The following NTRK1 variants were observed in gnomAD, a reference collection of about 807,000 sequenced individuals.
NTRK1 encodes the protein neurotrophic receptor tyrosine kinase 1.
In NTRK1, 62 loss-of-function variants were observed where a neutral mutation model predicts 86.8. The ratio of observed to expected loss-of-function variants is 0.71; its 90% CI spans 0.58 to 0.88. NTRK1 has a LOEUF of 0.88. Ranked by LOEUF, NTRK1 falls within the 40% of genes least tolerant of loss-of-function variation. The pLI is 0.00. For missense variants in NTRK1, 967 were observed against 1,078.4 expected (o/e 0.90, Z 1.45); for synonymous variants, 469 against 456.6 (o/e 1.03, Z -0.35).
In NTRK1 at chr1:156,868,588, C is replaced by T. The variant is rs202030811; in HGVS notation, c.658C>T (p.Arg220Trp). 54 of 1,551,998 alleles carry T rather than the reference C, an allele frequency of 3.5e-5. No individual in the cohort carries two copies. The East Asian group carries it at 8.8e-4, about 25-fold the overall frequency. The change falls in exon 6 of 17, where the codon CGG becomes TGG. Residue 220 changes from arginine (R) to tryptophan (W), a missense_variant. This residue lies in a region of NTRK1 where 330 missense variants were observed against 302.0 expected (regional missense o/e 1.09). Transcript: ENST00000524377. ...DVLLRCQVEGRGLEQAGWILT... is the reference protein window; with the variant it reads ...DVLLRCQVEGWGLEQAGWILT... ...GCTGCTGCGGTGCCAGGTGGAGGGG[C>T]GGGGCCTGGAGCAGGCCGGCTGGAT...
At chr1:156,818,236 A>G (rs1358564767) in intron 1 of NTRK1, among the ~76,000 whole-genome samples, 1 of 152,216 alleles carries the variant, frequency 6.6e-6, no homozygotes, top group Admixed American at 6.5e-5. Flanking sequence ...GAGAGGAAAA[A>G]AAAAACTTTG....
At chr1:156,833,950 C>A (rs1202977731) in intron 1 of NTRK1, among the ~76,000 whole-genome samples, 2 of 152,160 alleles carry the variant, frequency 1.3e-5, no homozygotes, top group Non-Finnish European at 2.9e-5. Context: ...CCTCTTTGTT[C>A]CCCCAGCCTA....
At chr1:156,819,502 A>ATTTTTT (rs887165383) in intron 1 of NTRK1, among the ~76,000 whole-genome samples, 5 of 63,498 alleles carry the variant, frequency 7.9e-5, no homozygotes, top group Middle Eastern at 0.012. Flanking sequence ...TGGGATTATT[A>ATTTTTT]TTTTTTTATT....
At chr1:156,851,442 T>A in intron 2 of NTRK1, 1 of 1,614,028 alleles carries the variant, frequency 6.2e-7, no homozygotes, top group Non-Finnish European at 8.5e-7. Context: ...TGTCTAGGGA[T>A]GGGAAGACAG....
chr1:156,845,280 G>C, intron 2 of NTRK1: 1 of 1,612,474 alleles, frequency 6.2e-7, no homozygotes, highest in Non-Finnish European at 8.5e-7. Flanking sequence ...GCTGCCCGGC[G>C]GTGCCGCCCT....
At chr1:156,816,171 G>C in intron 1 of NTRK1, 2 of 1,514,066 alleles carry the variant, frequency 1.3e-6, no homozygotes, top group Non-Finnish European at 1.8e-6. Context: ...CCTCCTCCCA[G>C]GCTCAGGGGA....
chr1:156,878,875 C>T (rs1648077095), intron 14 of NTRK1, among the ~76,000 whole-genome samples: 1 of 152,056 alleles, frequency 6.6e-6, no homozygotes, highest in South Asian at 2.1e-4. Flanking sequence ...GTTCAAGGAG[C>T]TGCCAGAGAG....
chr1:156,820,637 G>C (rs61813766), intron 1 of NTRK1, among the ~76,000 whole-genome samples: 1,627 of 152,292 alleles, frequency 0.011, 16 homozygotes, highest in South Asian at 0.026. Context: ...TGTTCCATTG[G>C]TCTACATGCC....
intron 1 of NTRK1, among the ~76,000 whole-genome samples, chr1:156,826,069 C>T (rs1442707836): frequency 6.6e-6 from 1 of 152,096 alleles, no homozygotes; most frequent in Non-Finnish European, 1.5e-5. Context: ...ACGCAGCCCC[C>T]CACAGATGGG....
Position 156,845,158 on chromosome 1 carries a change from G to T in NTRK1, c.50+2965G>T, listed in dbSNP as rs192169476. On this transcript the variant is annotated intron_variant, in intron 2 of 16. Coordinates refer to the NTRK1 transcript ENST00000392302. ...CCGCGTGGTTGCAGGCATGGATGTCGATCCGGTATTCCGTGAAGTGGCGCA... is the reference window on the plus strand; with the variant it reads ...CCGCGTGGTTGCAGGCATGGATGTCTATCCGGTATTCCGTGAAGTGGCGCA... The T allele has an allele frequency of 4.7e-4, 752 of 1,611,690 alleles. 16 individuals carry two copies. The South Asian group carries it at 7.9e-3, about 17-fold the overall frequency.
rs1648280232 is a variant in NTRK1, at chr1:156,881,714, C to T, written c.*72C>T. 7.0e-7 allele frequency: 1 copy of T among 1,433,158 alleles called. No individual in the cohort carries two copies. Among genetic ancestry groups the T allele is most frequent in the Non-Finnish European group, 9.4e-7 (1 of 1,063,878 alleles). 88.8% of individuals were successfully genotyped at this position (1,433,158 alleles called of 1,614,324 possible). ...TGCCCTCAGCATCCCCCATAGCTCC[C>T]AGCAGCCCCAGGGTGATCTCAAAGT... On this transcript the variant is annotated 3_prime_UTR_variant, in exon 17 of 17. Coordinates refer to ENST00000524377, the MANE Select transcript of NTRK1 (RefSeq NM_002529.4).
At chr1:156,848,067 G>C (rs181213890) in intron 2 of NTRK1, among the ~76,000 whole-genome samples, 1 of 152,084 alleles carries the variant, frequency 6.6e-6, no homozygotes, top group African/African-American at 2.4e-5. Context: ...CAGAATCAGT[G>C]GGGGGCGAGG....
rs1239041280 is a variant in NTRK1, at chr1:156,876,193, A to T, written c.1615A>T (p.Met539Leu). ...CAACCTCCTGCCTGAGCAGGACAAG[A>T]TGCTGGTGGCTGTCAAGGTGAGACC... Reference protein sequence around the residue: ...CHNLLPEQDKMLVAVKALKEA... With the variant: ...CHNLLPEQDKLLVAVKALKEA... Residue 539 changes from methionine (M) to leucine (L), a missense_variant, in exon 13 of 17, where the codon ATG (methionine) becomes TTG (leucine). By Grantham distance (15) the Met-to-Leu change is conservative (BLOSUM62 2). This residue lies in a region of NTRK1 where 637 missense variants were observed against 776.5 expected (regional missense o/e 0.82). Transcript: ENST00000524377. The T allele has an allele frequency of 3.1e-6, 5 of 1,614,016 alleles. No individual in the cohort carries two copies. The highest frequency in any genetic ancestry group is 1.3e-5 in the African/African-American group (1 of 75,018).
chr1:156,860,978 G>A lies in NTRK1; in HGVS notation c.44G>A (p.Trp15Ter). 1 of 1,524,906 alleles carries A rather than the reference G, an allele frequency of 6.6e-7. No homozygotes were observed. Among genetic ancestry groups the A allele is most frequent in the East Asian group, 2.5e-5 (1 of 39,664 alleles). The allele number at this position is 1,524,906 out of a possible 1,614,324, so 94.5% of individuals were successfully genotyped here. A position where few individuals can be genotyped will look rare whatever the true frequency, so the allele number is the denominator to read the frequency against. The part of the protein sequence containing the change: ...GRRGQLGWHS[W>*]AAGPGSLLAW... ...CGCGGGCAGCTTGGCTGGCACAGCT[G>A]GGCTGCGGGGCCGGGCAGCCTGCTG... Residue 15 changes from tryptophan to a stop codon, truncating the protein, a stop_gained, in exon 1 of 17, where the codon TGG (tryptophan) becomes TAG (stop). Transcript: ENST00000524377. LOFTEE classifies it high-confidence loss of function.
chr1:156,849,128 C>G, intron 2 of NTRK1: 1 of 1,597,268 alleles, frequency 6.3e-7, no homozygotes, highest in Non-Finnish European at 8.5e-7. Flanking sequence ...CATCCCATTC[C>G]CAGTGAGACC....
intron 1 of NTRK1, among the ~76,000 whole-genome samples, chr1:156,828,206 ATATAT>A (rs1260085764): frequency 6.6e-6 from 1 of 152,224 alleles, no homozygotes; most frequent in Non-Finnish European, 1.5e-5. Context: ...TTGGTTTTTA[ATATAT>A]TATAGAAGGC....
upstream of NTRK1, chr1:156,860,753 A>C: frequency 1.7e-6 from 2 of 1,154,458 alleles, no homozygotes; most frequent in Non-Finnish European, 2.2e-6. Context: ...GGGGGGCGTC[A>C]GAGAGTAGGA....
chr1:156,816,604 C>T (rs1653959662), intron 1 of NTRK1: 2 of 1,527,186 alleles, frequency 1.3e-6, no homozygotes, highest in Non-Finnish European at 1.8e-6. Context: ...GAGCTCAAGC[C>T]CAGGAGGGAG....
chr1:156,866,906 G>C lies in NTRK1; in HGVS notation c.360-4G>C. ...TCTGTCTTGCTGTGTCTCCACGCCC[G>C]CAGGAATCTCTCCTTCAACGCTCTG... On this transcript the variant is annotated splice_polypyrimidine_tract_variant and splice_region_variant and intron_variant, in intron 3 of 16. Coordinates refer to ENST00000524377, the MANE Select transcript of NTRK1 (RefSeq NM_002529.4). The C allele has an allele frequency of 6.2e-7, 1 of 1,614,158 alleles. No individual in the cohort carries two copies. The highest frequency in any genetic ancestry group is 8.5e-7 in the Non-Finnish European group (1 of 1,179,970).
Sources: allele counts gnomAD v4.1 joint callset (sites outside exome capture counted in the v4.1 genomes callset), GRCh38; gene constraint gnomAD v4.1.1; regional missense constraint gnomAD v4.1.1; transcripts MANE v1.5; gene names NCBI Gene and HGNC (gene_info 2026-07-23, HGNC 2026-07-21).